The following FAM219A variants were observed in gnomAD, a reference collection of about 807,000 sequenced individuals.
The protein encoded by FAM219A is family with sequence similarity 219 member A.
In FAM219A, 7 loss-of-function variants were observed where a neutral mutation model predicts 23.4. That is an observed-to-expected ratio of 0.30 (90% CI 0.17 to 0.56). The LOEUF is 0.56. Ranked by LOEUF, FAM219A falls within the 20% of genes least tolerant of loss-of-function variation. The pLI, the probability that FAM219A is intolerant of heterozygous loss-of-function variation, is 0.92. For missense variants in FAM219A, 166 were observed against 246.9 expected, an observed-to-expected ratio of 0.67 and a Z score of 2.20; for synonymous variants, 93 against 99.0, an observed-to-expected ratio of 0.94 and a Z score of 0.36.
At chr9:34,404,832 A>G (rs1205656420) in intron 2 of FAM219A, among the ~76,000 whole-genome samples, 1 of 152,222 alleles carries the variant, frequency 6.6e-6, no homozygotes. Flanking sequence ...CTTGTTTAGA[A>G]AAACAGCTCG....
intron 1 of FAM219A, among the ~76,000 whole-genome samples, chr9:34,451,144 G>A (rs191481247): frequency 2.0e-3 from 298 of 152,300 alleles, no homozygotes; most frequent in Non-Finnish European, 3.7e-3. Context: ...TCCCAGGCCA[G>A]ATGCTACAGG....
intron 1 of FAM219A, among the ~76,000 whole-genome samples, chr9:34,443,020 G>T (rs1362627070): frequency 6.6e-6 from 1 of 152,082 alleles, no homozygotes; most frequent in African/African-American, 2.4e-5. Flanking sequence ...AGTAGGTGGG[G>T]TATGGGTGAA....
At chr9:34,434,571 C>T (rs1330790250) in intron 1 of FAM219A, among the ~76,000 whole-genome samples, 2 of 152,052 alleles carry the variant, frequency 1.3e-5, no homozygotes, top group Non-Finnish European at 2.9e-5. Flanking sequence ...CCTACTTTAC[C>T]ACATAAAATG....
At chr9:34,449,967 G>C (rs923741734) in intron 1 of FAM219A, among the ~76,000 whole-genome samples, 1 of 152,186 alleles carries the variant, frequency 6.6e-6, no homozygotes, top group Non-Finnish European at 1.5e-5. Context: ...CGTGCATGGT[G>C]CGTGGCCAAG....
At chr9:34,440,389 G>A (rs1027263147) in intron 1 of FAM219A, among the ~76,000 whole-genome samples, 4 of 152,152 alleles carry the variant, frequency 2.6e-5, no homozygotes, top group Non-Finnish European at 5.9e-5. Context: ...CTGGTGAGCT[G>A]GCTTGCAGTG....
chr9:34,440,241 T>C (rs1044225770), intron 1 of FAM219A, among the ~76,000 whole-genome samples: 3 of 152,196 alleles, frequency 2.0e-5, no homozygotes, highest in East Asian at 1.9e-4. Context: ...AGATGCTCCA[T>C]TGTGTTGGAC....
At chr9:34,420,216 A>G (rs1418355924) in intron 1 of FAM219A, among the ~76,000 whole-genome samples, 1 of 152,244 alleles carries the variant, frequency 6.6e-6, no homozygotes, top group Non-Finnish European at 1.5e-5. Flanking sequence ...TTAAAAGTGC[A>G]GAGATGACAG....
Position 34,417,583 on chromosome 9 carries a change from T to C in FAM219A, c.61-11619A>G, listed in dbSNP as rs1185009822. ...AAAAACATGAGTGCTTTTAAGTTTC[T>C]TGATAGATATTGCCAAAATGCTTTC... On this transcript the variant is annotated intron_variant, in intron 1 of 5. Coordinates refer to ENST00000651358, the MANE Select transcript of FAM219A (RefSeq NM_001184940.2). The surrounding 1 kb of genome is among the most constrained non-coding windows in gnomAD (Gnocchi z 4.1). 6.6e-6 allele frequency among the ~76,000 whole-genome samples: 1 copy of C among 152,212 alleles called. No individual in the cohort carries two copies. Among genetic ancestry groups the C allele is most frequent in the Admixed American group, 6.5e-5 (1 of 15,288 alleles).
At chr9:34,448,184 C>CT (rs1174252352) in intron 1 of FAM219A, among the ~76,000 whole-genome samples, 5 of 152,164 alleles carry the variant, frequency 3.3e-5, no homozygotes, top group Non-Finnish European at 7.4e-5. Flanking sequence ...TTATTCATTT[C>CT]TTAAGGAGCC....
intron 1 of FAM219A, among the ~76,000 whole-genome samples, chr9:34,427,312 C>A (rs561966646): frequency 3.2e-4 from 49 of 152,196 alleles, no homozygotes; most frequent in Non-Finnish European, 6.5e-4. Flanking sequence ...GCTGGGACTA[C>A]AGGTGCACGC....
chr9:34,433,592 C>T (rs1319947997), intron 1 of FAM219A, among the ~76,000 whole-genome samples: 1 of 152,194 alleles, frequency 6.6e-6, no homozygotes, highest in Non-Finnish European at 1.5e-5. Context: ...CTTAAAAACT[C>T]CTCAACCTGA....
rs1235593153 is a variant in FAM219A, at chr9:34,402,685, G to T, written c.263+20C>A. 1 of 1,611,974 alleles carries T rather than the reference G, an allele frequency of 6.2e-7. No individual in the cohort carries two copies. Among genetic ancestry groups the T allele is most frequent in the Non-Finnish European group, 8.5e-7 (1 of 1,178,252 alleles). ...AGGTCCTGGCTGGCAGGGTCCAGGT[G>T]GGGTAGGGAGGGCCTCTACCTTGTT... On this transcript the variant is annotated intron_variant, in intron 3 of 5. Transcript: ENST00000651358.
At chr9:34,455,316 T>A (rs1823690290) in intron 1 of FAM219A, among the ~76,000 whole-genome samples, 1 of 152,096 alleles carries the variant, frequency 6.6e-6, no homozygotes, top group African/African-American at 2.4e-5. Context: ...AGGAGAGACT[T>A]CCTAGAGGTC....
intron 1 of FAM219A, among the ~76,000 whole-genome samples, chr9:34,406,931 C>G (rs1040288725): frequency 2.0e-5 from 3 of 151,666 alleles, no homozygotes; most frequent in Non-Finnish European, 2.9e-5. Context: ...GCCTCTTGAG[C>G]AGCTGGGACT....
chr9:34,415,920 G>C (rs1468227143), intron 1 of FAM219A, among the ~76,000 whole-genome samples: 1 of 152,100 alleles, frequency 6.6e-6, no homozygotes, highest in African/African-American at 2.4e-5. Flanking sequence ...TCTGGTTCTA[G>C]AGCCTGCCTT....
intron 1 of FAM219A, among the ~76,000 whole-genome samples, chr9:34,407,992 C>G (rs79329111): frequency 6.6e-6 from 1 of 152,262 alleles, no homozygotes; most frequent in South Asian, 2.1e-4. Flanking sequence ...GAAATCCTGG[C>G]CTTGTCTGTG....
At position 34,417,454 on chromosome 9, in the gene FAM219A, A is replaced by G. The variant is rs1327243799; in HGVS notation, c.61-11490T>C. On this transcript the variant is annotated intron_variant, in intron 1 of 5. Transcript: ENST00000651358. This position sits in a 1 kb window ranked among gnomAD's most constrained non-coding sequence, Gnocchi z 4.1. ...TTGTAACCATTCATTTATTTTTGAC[A>G]TTCAGGTTGTTTGCAACTTTTCACT... 6.6e-6 allele frequency among the ~76,000 whole-genome samples: 1 copy of G among 152,194 alleles called. No homozygotes were observed. The highest frequency in any genetic ancestry group is 1.9e-4 in the East Asian group (1 of 5,204).
intron 1 of FAM219A, among the ~76,000 whole-genome samples, chr9:34,416,830 T>TC: frequency 1.3e-5 from 2 of 148,804 alleles, no homozygotes; most frequent in East Asian, 3.9e-4. Context: ...TTTTTTTTTT[T>TC]AAATAGAGGC....
intron 1 of FAM219A, among the ~76,000 whole-genome samples, chr9:34,438,043 G>A (rs1227757963): frequency 1.3e-5 from 2 of 152,222 alleles, no homozygotes; most frequent in Non-Finnish European, 2.9e-5. Flanking sequence ...CTGCCGGCCA[G>A]GGGCAATGAG....
Sources: gnomAD v4.1 joint callset for allele counts (sites outside exome capture counted in the v4.1 genomes callset) on GRCh38, gnomAD v4.1.1 for gene constraint, Gnocchi (gnomAD v3.1) non-coding constraint, MANE v1.5 for transcripts, NCBI Gene and HGNC (gene_info 2026-07-23, HGNC 2026-07-21) for gene names.